PRKDC: variants seen among roughly 807,000 people sequenced by gnomAD.
PRKDC encodes protein kinase, DNA-activated, catalytic subunit, also known as DNA-dependent protein kinase catalytic subunit.
In PRKDC, 82 loss-of-function variants were observed where a neutral mutation model predicts 486.9. The observed-to-expected ratio is 0.17, with a 90% confidence interval of 0.14 to 0.20. The LOEUF is 0.20. Ranked by LOEUF, PRKDC falls within the 10% of genes least tolerant of loss-of-function variation. The probability of loss-of-function intolerance (pLI) is 1.00; values close to 1 mark genes in which losing one functional copy is unlikely to be tolerated. For missense variants in PRKDC, 4,504 were observed against 5,038.2 expected (o/e 0.89, Z 3.21); for synonymous variants, 1,895 against 1,837.0 (o/e 1.03, Z -0.81).
Position 47,819,447 on chromosome 8 carries a change from C to T in PRKDC, c.9400G>A (p.Ala3134Thr). The stretch of plus-strand genomic sequence containing the variant: ...ATGAACTCCTGAATTTCTGTTAAAG[C>T]CTGTACAGACTGCAATTTGGTGAGT... ...SRLTKLQSVQ[A>T]LTEIQEFISF... The change falls in exon 67 of 86, where the codon GCT becomes ACT. Residue 3134 changes from alanine (A) to threonine (T), a missense_variant. By Grantham distance (58) the Ala-to-Thr change is moderately conservative. This residue lies in a region of PRKDC where 1,592 missense variants were observed against 1,724.6 expected (regional missense o/e 0.92). Coordinates refer to ENST00000314191, the MANE Select transcript of PRKDC (RefSeq NM_006904.7). 1 of 1,564,702 alleles carries T rather than the reference C, an allele frequency of 6.4e-7. No individual in the cohort carries two copies. The highest frequency in any genetic ancestry group is 8.6e-7 in the Non-Finnish European group (1 of 1,163,582).
At chr8:47,887,293 C>T (rs1444010019) in intron 35 of PRKDC, among the ~76,000 whole-genome samples, 3 of 152,160 alleles carry the variant, frequency 2.0e-5, no homozygotes, top group Non-Finnish European at 4.4e-5. Context: ...ACAAAACGTT[C>T]TCTAGCTAAT....
intron 68 of PRKDC, among the ~76,000 whole-genome samples, chr8:47,814,955 G>A (rs1052797402): frequency 8.5e-5 from 13 of 152,124 alleles, no homozygotes; most frequent in Non-Finnish European, 1.5e-4. Flanking sequence ...TTGAGCCCAG[G>A]AGTTACATAC....
chr8:47,845,901 C>T (rs1216945904), intron 54 of PRKDC, among the ~76,000 whole-genome samples: 1 of 152,152 alleles, frequency 6.6e-6, no homozygotes, highest in Admixed American at 6.5e-5. Context: ...CAGGCCAAAT[C>T]CCTGATGAAC....
chr8:47,853,806 A>G (rs1431229706), intron 51 of PRKDC, among the ~76,000 whole-genome samples: 2 of 152,210 alleles, frequency 1.3e-5, no homozygotes, highest in East Asian at 3.8e-4. Flanking sequence ...AAAAAAATCT[A>G]AATCCATCTT....
rs1341393512 is a variant in PRKDC at position 47,889,093 on chromosome 8, T to G, written c.4201A>C (p.Asn1401His). The change falls in exon 33 of 86, where the codon AAT becomes CAT. Residue 1401 changes from asparagine to histidine, a missense_variant. Around this residue, in one of 6 missense-constraint regions of PRKDC, gnomAD observed 1,969 missense variants for 2,068.9 expected, o/e 0.95. Coordinates refer to ENST00000314191, the MANE Select transcript of PRKDC (RefSeq NM_006904.7). ...GACATCTTTAGAGCTTTCATCAGAT[T>G]CACACAAACATCAGGAAGATGAGCC... ...VMAHLPDVCV[N>H]LMKALKMSPY... 1.2e-6 allele frequency: 2 copies of G among 1,613,990 alleles called. No homozygotes were observed. The highest frequency in any genetic ancestry group is 1.3e-5 in the African/African-American group (1 of 75,038).
Position 47,898,538 on chromosome 8 carries a change from A to G in PRKDC, c.3396T>C (p.Asp1132=). ...TCTTTTCAATGATGCGGCATAGGTG[A>G]TCAATGGCATCACAACACTGTTGAA... ...GTIQQCCDAI[D]HLCRIIEKKH... The change falls in exon 29 of 86, where the codon GAT becomes GAC. Residue 1132 remains aspartate (D), a synonymous_variant. Coordinates refer to ENST00000314191, the MANE Select transcript of PRKDC (RefSeq NM_006904.7). The G allele has an allele frequency of 6.6e-7, 1 of 1,526,692 alleles. No homozygotes were observed. Among genetic ancestry groups the G allele is most frequent in the Non-Finnish European group, 8.9e-7 (1 of 1,121,984 alleles). The allele number at this position is 1,526,692 out of a possible 1,614,324, so 94.6% of individuals were successfully genotyped here. A position where few individuals can be genotyped will look rare whatever the true frequency, so the allele number is the denominator to read the frequency against.
At chr8:47,874,622 G>A (rs915393013) in intron 40 of PRKDC, among the ~76,000 whole-genome samples, 15 of 152,026 alleles carry the variant, frequency 9.9e-5, no homozygotes, top group African/African-American at 3.6e-4. Flanking sequence ...ACCCAAGTGT[G>A]GTGGTGTGTG....
intron 74 of PRKDC, among the ~76,000 whole-genome samples, chr8:47,792,624 C>T (rs2086900714): frequency 6.6e-6 from 1 of 152,066 alleles, no homozygotes; most frequent in Non-Finnish European, 1.5e-5. Flanking sequence ...ATGTTTATAA[C>T]ACAAAGAAAT....
intron 60 of PRKDC, among the ~76,000 whole-genome samples, chr8:47,831,083 A>G (rs2154499423): frequency 6.6e-6 from 1 of 152,300 alleles, no homozygotes; most frequent in East Asian, 1.9e-4. Context: ...CTTCCGCCCC[A>G]AGGTCCTGCC....
At chr8:47,843,284 C>G (rs1237106717) in intron 54 of PRKDC, among the ~76,000 whole-genome samples, 1 of 151,966 alleles carries the variant, frequency 6.6e-6, no homozygotes, top group Non-Finnish European at 1.5e-5. Flanking sequence ...ATAGACCAAG[C>G]TAAGGAAAGA....
chr8:47,882,088 C>T lies in PRKDC; in HGVS notation c.4786G>A (p.Val1596Ile), dbSNP rs748380564. 1.1e-5 allele frequency: 18 copies of T among 1,609,180 alleles called. No individual in the cohort carries two copies. The highest frequency in any genetic ancestry group is 5.3e-5 in the African/African-American group (4 of 74,916). ...CTCTGGTCTAACATGCCGTTCAAAA[C>T]GGCACTCACCTGAGACAATTTCGTT... Reference protein sequence around the residue: ...SVDNTKMVSAVLNGMLDQSFR... With the variant: ...SVDNTKMVSAILNGMLDQSFR... The change falls in exon 37 of 86, where the codon GTT (valine) becomes ATT (isoleucine). Residue 1596 changes from valine (V) to isoleucine (I), a missense_variant. Val to Ile is a conservative substitution (Grantham distance 29, BLOSUM62 3). Transcript: ENST00000314191.
At chr8:47,874,122 T>C (rs965441720) in intron 40 of PRKDC, among the ~76,000 whole-genome samples, 70 of 151,692 alleles carry the variant, frequency 4.6e-4, no homozygotes, top group African/African-American at 1.6e-3. Context: ...TTTTTTTTTT[T>C]GTATTTTTAG....
intron 74 of PRKDC, among the ~76,000 whole-genome samples, chr8:47,790,046 G>A (rs1274797666): frequency 1.3e-5 from 2 of 152,118 alleles, no homozygotes. Context: ...ACATACTACT[G>A]GGAGTCTTAG....
chr8:47,778,700 C>T, intron 82 of PRKDC, 28 bp downstream of exon 82: 4 of 1,613,088 alleles, frequency 2.5e-6, no homozygotes, highest in Non-Finnish European at 2.5e-6. Flanking sequence ...TGTGATCCCA[C>T]TAAGGGTGAG....
At chr8:47,936,760 G>T (rs1193526547) in intron 11 of PRKDC, among the ~76,000 whole-genome samples, 1 of 150,142 alleles carries the variant, frequency 6.7e-6, no homozygotes, top group South Asian at 2.1e-4. Flanking sequence ...GGGATTACAG[G>T]CATGTGCCAC....
chr8:47,841,025 G>A (rs1230961088), intron 54 of PRKDC, among the ~76,000 whole-genome samples: 1 of 152,200 alleles, frequency 6.6e-6, no homozygotes, highest in African/African-American at 2.4e-5. Flanking sequence ...GAGGGAGGAA[G>A]CTGGGAAGCC....
chr8:47,877,446 T>C (rs758118125), intron 40 of PRKDC, among the ~76,000 whole-genome samples: 1 of 152,126 alleles, frequency 6.6e-6, no homozygotes, highest in African/African-American at 2.4e-5. Flanking sequence ...TAAATTACAA[T>C]AGCAGTAGCA....
At chr8:47,929,716 C>A in intron 18 of PRKDC, 137 bp downstream of exon 18, 1 of 1,023,174 alleles carries the variant, frequency 9.8e-7, no homozygotes, top group South Asian at 2.2e-5. Flanking sequence ...ATTCACATAT[C>A]AATTTTTTTA....
rs536284158 is a variant in PRKDC at position 47,777,212 on chromosome 8, A to AT, written c.12043-230dup. Reference sequence around the variant, plus strand: ...CTCCAAATAAAGGTTTTGCCTGTTAATTTTTTTTTTTTTGAGGCGGAGTTT... The same window carrying AT: ...CTCCAAATAAAGGTTTTGCCTGTTAATTTTTTTTTTTTTTGAGGCGGAGTTT... On this transcript the variant is annotated intron_variant, in intron 84 of 85. Coordinates refer to ENST00000314191, the MANE Select transcript of PRKDC (RefSeq NM_006904.7). Among the ~76,000 whole-genome samples the AT allele has an allele frequency of 0.03, 4,426 of 146,568 alleles. 119 individuals carry two copies. Among genetic ancestry groups the AT allele is most frequent in the East Asian group, 0.094 (472 of 5,036 alleles).
Sources: allele counts gnomAD v4.1 joint callset (sites outside exome capture counted in the v4.1 genomes callset), GRCh38; gene constraint gnomAD v4.1.1; regional missense constraint gnomAD v4.1.1; transcripts MANE v1.5; gene names NCBI Gene and HGNC (gene_info 2026-07-23, HGNC 2026-07-21).